ZNF532: variants seen among roughly 807,000 people sequenced by gnomAD.
ZNF532 encodes the protein zinc finger protein 532.
In ZNF532, 22 loss-of-function variants were observed where a neutral mutation model predicts 89.3. The ratio of observed to expected loss-of-function variants is 0.25; its 90% CI spans 0.18 to 0.35. The LOEUF is 0.35. Among genes scored for constraint, ZNF532 ranks in the 10% least tolerant of loss-of-function variants. The pLI is 1.00. For synonymous variants in ZNF532, 606 were observed against 649.6 expected, an observed-to-expected ratio of 0.93 and a Z score of 1.02; for missense variants, 1,132 against 1,643.4, an observed-to-expected ratio of 0.69 and a Z score of 5.38.
chr18:58,978,784 ATATT>A (rs2067352582), intron 7 of ZNF532, among the ~76,000 whole-genome samples: 1 of 152,162 alleles, frequency 6.6e-6, no homozygotes, highest in South Asian at 2.1e-4. Flanking sequence ...TCTAATTGTG[ATATT>A]TATTCTTGTT....
intron 2 of ZNF532, among the ~76,000 whole-genome samples, chr18:58,878,900 C>G (rs1272888252): frequency 6.6e-6 from 1 of 152,206 alleles, no homozygotes; most frequent in Non-Finnish European, 1.5e-5. Flanking sequence ...TTGCTTCCCC[C>G]TTAGTAGAAC....
At position 58,983,749 on chromosome 18, in the gene ZNF532, C is replaced by T. The variant is rs567310271; in HGVS notation, c.3412-223C>T. 2.3e-4 allele frequency among the ~76,000 whole-genome samples: 15 copies of T among 64,876 alleles called. No homozygotes were observed. In the East Asian group the frequency reaches 0.028, roughly 120 times the overall value. 42.6% of individuals were successfully genotyped at this position (64,876 alleles called of 152,430 possible). ...GAGCTCATTTGTCCACTGTTGTGCC[C>T]CACTGGCAGAGCAATGCCTGCTAAC... On this transcript the variant is annotated intron_variant, in intron 9 of 9. Coordinates refer to ENST00000591808, the MANE Select transcript of ZNF532 (RefSeq NM_001375912.1).
At chr18:58,880,766 GCGCGCGTC>G (rs2057834636) in intron 2 of ZNF532, among the ~76,000 whole-genome samples, 10 of 144,608 alleles carry the variant, frequency 6.9e-5, no homozygotes, top group Non-Finnish European at 1.2e-4. Context: ...GCGCGCACGC[GCGCGCGTC>G]TGTGTGTGTG....
intron 5 of ZNF532, among the ~76,000 whole-genome samples, chr18:58,942,243 C>T (rs377198927): frequency 6.0e-5 from 9 of 150,810 alleles, no homozygotes; most frequent in Non-Finnish European, 7.4e-5. Context: ...AGGATGGTCT[C>T]GAACTCCTGA....
chr18:58,869,876 C>T (rs1473840904), intron 2 of ZNF532, among the ~76,000 whole-genome samples: 2 of 149,502 alleles, frequency 1.3e-5, no homozygotes, highest in Non-Finnish European at 3.0e-5. Context: ...AAGCGATTCT[C>T]CTGCCTCAGC....
chr18:58,942,369 T>TCCTCCCTCCCTCCCTCCCTC lies in ZNF532; in HGVS notation c.2705+2751_2705+2752insCCCTCCCTCCCTCCCTCCCT, dbSNP rs1568383698. Among the ~76,000 whole-genome samples, 14 of 93,284 alleles carry TCCTCCCTCCCTCCCTCCCTC rather than the reference T, an allele frequency of 1.5e-4. 1 individual carries two copies. The highest frequency in any genetic ancestry group is 1.8e-5 in the Non-Finnish European group (1 of 54,288). The allele number at this position is 93,284 out of a possible 152,430, so 61.2% of individuals were successfully genotyped here. A position where few individuals can be genotyped will look rare whatever the true frequency, so the allele number is the denominator to read the frequency against. On this transcript the variant is annotated intron_variant, in intron 5 of 9. Coordinates refer to ENST00000591808, the MANE Select transcript of ZNF532 (RefSeq NM_001375912.1). ...TCCCTCCCTTCCTTCCTTCCTTCCT[T>TCCTCCCTCCCTCCCTCCCTC]CCTTCCTTCCTTCCTTCCTTCCTTC...
chr18:58,918,556 A>C lies in ZNF532; in HGVS notation c.269A>C (p.His90Pro). 5 of 1,614,218 alleles carry C rather than the reference A, an allele frequency of 3.1e-6. No individual in the cohort carries two copies. The highest frequency in any genetic ancestry group is 2.5e-6 in the Non-Finnish European group (3 of 1,180,034). The change falls in exon 3 of 10, where the codon CAT (histidine) becomes CCT (proline). Residue 90 changes from histidine (H) to proline (P), a missense_variant. Coordinates refer to ENST00000591808, the MANE Select transcript of ZNF532 (RefSeq NM_001375912.1). The part of the protein sequence containing the change: ...DGHNPTGNGL[H>P]NGFLTASSLD... ...CACAACCCCACTGGCAATGGCTTAC[A>C]TAATGGGTTTCTCACAGCATCCTCC...
At chr18:58,934,357 A>T (rs2062195240) in intron 3 of ZNF532, 76 bp from the exon 4 acceptor site, 1 of 1,321,676 alleles carries the variant, frequency 7.6e-7, no homozygotes, top group Admixed American at 2.0e-5. Context: ...AATTATCTGG[A>T]GGTTTAACCA....
chr18:58,982,312 G>T (rs2067890226), intron 9 of ZNF532, among the ~76,000 whole-genome samples: 1 of 151,552 alleles, frequency 6.6e-6, no homozygotes, highest in Non-Finnish European at 1.5e-5. Flanking sequence ...TTGTTTTTTT[G>T]AGAGAAAAGT....
intron 7 of ZNF532, among the ~76,000 whole-genome samples, chr18:58,959,495 G>A (rs1314737044): frequency 6.6e-6 from 1 of 152,024 alleles, no homozygotes; most frequent in Non-Finnish European, 1.5e-5. Context: ...CAAGTGACCT[G>A]TCTACCTCGG....
upstream of ZNF532, among the ~76,000 whole-genome samples, chr18:58,863,327 G>C (rs2144253149): frequency 6.6e-6 from 1 of 151,220 alleles, no homozygotes; most frequent in Admixed American, 6.6e-5. Context: ...GACTTGGCAG[G>C]TCCGCGGGGC....
intron 3 of ZNF532, among the ~76,000 whole-genome samples, chr18:58,923,173 A>G (rs1029288351): frequency 6.6e-6 from 1 of 151,670 alleles, no homozygotes; most frequent in African/African-American, 2.4e-5. Context: ...GCAGCCATCC[A>G]CTCACCTATG....
intron 2 of ZNF532, among the ~76,000 whole-genome samples, chr18:58,870,092 T>TTTG (rs1278600739): frequency 6.7e-6 from 1 of 150,354 alleles, no homozygotes; most frequent in Non-Finnish European, 1.5e-5. Flanking sequence ...TTTTTTTTTT[T>TTTG]TTAAGGATAA....
At chr18:58,925,080 T>A (rs2061421503) in intron 3 of ZNF532, among the ~76,000 whole-genome samples, 1 of 152,212 alleles carries the variant, frequency 6.6e-6, no homozygotes, top group Non-Finnish European at 1.5e-5. Context: ...TTATTAACAT[T>A]GTGTATAGGT....
At position 58,892,982 on chromosome 18, in the gene ZNF532, C is replaced by CTT. The variant is rs58108717; in HGVS notation, c.-17-25273_-17-25272dup. Reference sequence around the variant, plus strand: ...CTCAGCAATTTCTGATTTGTACTTTCTTTTTTTTTTTTTTTTTGAGATGGA... The same window carrying CTT: ...CTCAGCAATTTCTGATTTGTACTTTCTTTTTTTTTTTTTTTTTTTGAGATGGA... On this transcript the variant is annotated intron_variant, in intron 2 of 9. Transcript: ENST00000591808. Among the ~76,000 whole-genome samples the CTT allele has an allele frequency of 1.6e-3, 221 of 135,278 alleles. 6 individuals carry two copies. The South Asian group carries it at 0.024, about 14-fold the overall frequency. The allele number at this position is 135,278 out of a possible 152,430, so 88.7% of individuals were successfully genotyped here. A position where few individuals can be genotyped will look rare whatever the true frequency, so the allele number is the denominator to read the frequency against.
intron 7 of ZNF532, among the ~76,000 whole-genome samples, chr18:58,969,583 G>A (rs1261186292): frequency 6.6e-6 from 1 of 152,168 alleles, no homozygotes; most frequent in East Asian, 1.9e-4. Context: ...CTACTGGTGG[G>A]ACCTTATTAA....
At chr18:58,939,760 T>C in intron 5 of ZNF532, 139 bp downstream of exon 5, 1 of 725,020 alleles carries the variant, frequency 1.4e-6, no homozygotes, top group Non-Finnish European at 2.2e-6. Flanking sequence ...CTTTATGAAA[T>C]ACAGCTCATA....
At chr18:58,931,079 C>T (rs185102110) in intron 3 of ZNF532, among the ~76,000 whole-genome samples, 2 of 152,114 alleles carry the variant, frequency 1.3e-5, no homozygotes, top group African/African-American at 4.8e-5. Flanking sequence ...ATAAGGCTGC[C>T]CTAGAATAGA....
At position 58,918,437 on chromosome 18, in the gene ZNF532, C is replaced by T. The variant is rs201828621; in HGVS notation, c.150C>T (p.Asp50=). ...HMKQNAHGED[D]SHAPSSSDVG... ...AGCAGAATGCTCACGGAGAGGATGA[C>T]TCCCACGCACCATCATCTTCTGATG... The change falls in exon 3 of 10, where the codon GAC becomes GAT. Residue 50 remains aspartate, a synonymous_variant. Coordinates refer to ENST00000591808, the MANE Select transcript of ZNF532 (RefSeq NM_001375912.1). 6.1e-5 allele frequency: 98 copies of T among 1,614,206 alleles called. No homozygotes were observed. The highest frequency in any genetic ancestry group is 7.8e-5 in the Non-Finnish European group (92 of 1,180,044).
Sources: gnomAD v4.1 joint callset for allele counts (sites outside exome capture counted in the v4.1 genomes callset) on GRCh38, gnomAD v4.1.1 for gene constraint, MANE v1.5 for transcripts, NCBI Gene and HGNC (gene_info 2026-07-23, HGNC 2026-07-21) for gene names.